HAPLN3: variants seen among roughly 807,000 people sequenced by gnomAD.
The protein encoded by HAPLN3 is extracellular link domain containing, 1.
A neutral mutation model predicts 28.1 loss-of-function variants in HAPLN3; 28 were observed. The ratio of observed to expected loss-of-function variants is 1.00; its 90% CI spans 0.74 to 1.37. HAPLN3 has a LOEUF of 1.37. Ranked by LOEUF, HAPLN3 falls within the 40% of genes most tolerant of loss-of-function variation. The pLI is 0.00. For missense variants in HAPLN3, 513 were observed against 504.6 expected, an observed-to-expected ratio of 1.02 and a Z score of -0.16; for synonymous variants, 211 against 213.1, an observed-to-expected ratio of 0.99 and a Z score of 0.09.
At position 88,879,173 on chromosome 15, in the gene HAPLN3, G is replaced by T. The variant is rs1897624990; in HGVS notation, c.590C>A (p.Ser197Tyr). The T allele has an allele frequency of 6.2e-7, 1 of 1,613,862 alleles. No homozygotes were observed. Among genetic ancestry groups the T allele is most frequent in the Non-Finnish European group, 8.5e-7 (1 of 1,180,010 alleles). Residue 197 changes from serine (S) to tyrosine (Y), a missense_variant, in exon 4 of 5, where the codon TCC becomes TAC. Ser to Tyr is a moderately radical substitution (Grantham distance 144, BLOSUM62 -2). Transcript: ENST00000359595. This position sits in a 1 kb window ranked among gnomAD's most constrained non-coding sequence, Gnocchi z 5.0. ...VCAEQAAVVA[S>Y]FEQLFRAWEE... ...CCAGGCCCGGAAGAGCTGCTCAAAG[G>T]AGGCCACCACCGCAGCCTGCTCTGC...
At position 88,888,962 on chromosome 15, in the gene HAPLN3, G is replaced by A. The variant is rs1050025075; in HGVS notation, c.-47-1617C>T. Among the ~76,000 whole-genome samples the A allele has an allele frequency of 6.6e-5, 10 of 152,206 alleles. No homozygotes were observed. The highest frequency in any genetic ancestry group is 2.1e-4 in the South Asian group (1 of 4,834). ...TCCATCGTCTGTCCTTCTCTGACAC[G>A]TATTGGTCCCTGTTGTCCCAGTTCC... On this transcript the variant is annotated intron_variant, in intron 1 of 4. Transcript: ENST00000359595. This position sits in a 1 kb window ranked among gnomAD's most constrained non-coding sequence, Gnocchi z 4.1.
intron 2 of HAPLN3, among the ~76,000 whole-genome samples, chr15:88,882,259 A>G (rs1224264290): frequency 6.6e-6 from 1 of 152,226 alleles, no homozygotes; most frequent in African/African-American, 2.4e-5. Context: ...TGACCCACAG[A>G]ATCATGAGCT....
In HAPLN3 at chr15:88,888,735, G is replaced by A. The variant is rs1232857790; in HGVS notation, c.-47-1390C>T. 2.0e-5 allele frequency among the ~76,000 whole-genome samples: 3 copies of A among 152,188 alleles called. No homozygotes were observed. The highest frequency in any genetic ancestry group is 7.2e-5 in the African/African-American group (3 of 41,450). On this transcript the variant is annotated intron_variant, in intron 1 of 4. Coordinates refer to ENST00000359595, the MANE Select transcript of HAPLN3 (RefSeq NM_178232.4). This position sits in a 1 kb window ranked among gnomAD's most constrained non-coding sequence, Gnocchi z 4.1. ...GGGCAGGCAGTCTTGATTGCTGTGT[G>A]TTGAGTACCACGATGGAGGTACAGA... is the stretch of plus-strand genomic sequence containing the variant.
chr15:88,885,088 A>G (rs1022972675), intron 2 of HAPLN3, among the ~76,000 whole-genome samples: 2 of 152,282 alleles, frequency 1.3e-5, no homozygotes, highest in Non-Finnish European at 2.9e-5. Flanking sequence ...ACTAATCAAA[A>G]GAGGGAAAAT....
At chr15:88,886,174 ACCC>A (rs1299398473) in intron 2 of HAPLN3, among the ~76,000 whole-genome samples, 2 of 150,906 alleles carry the variant, frequency 1.3e-5, no homozygotes, top group Non-Finnish European at 3.0e-5. Context: ...ACATGGAGAA[ACCC>A]CCATTTCTAC....
Position 88,877,801 on chromosome 15 carries a change from G to A in HAPLN3, c.*169C>T. 1.5e-6 allele frequency: 1 copy of A among 661,536 alleles called. No homozygotes were observed. Among genetic ancestry groups the A allele is most frequent in the Non-Finnish European group, 2.5e-6 (1 of 401,492 alleles). 41.0% of individuals were successfully genotyped at this position (661,536 alleles called of 1,614,324 possible). ...GGAGTGGGGCATCCAGGAGCAAAGGGAGGCATTGGGTTCTGTTTGCTTTAC... is the reference window on the plus strand; with the variant it reads ...GGAGTGGGGCATCCAGGAGCAAAGGAAGGCATTGGGTTCTGTTTGCTTTAC... On this transcript the variant is annotated 3_prime_UTR_variant, in exon 5 of 5. Transcript: ENST00000359595. The surrounding 1 kb of genome is among the most constrained non-coding windows in gnomAD (Gnocchi z 5.1).
In HAPLN3 at chr15:88,887,222, T is replaced by G; in HGVS notation, c.77A>C (p.Tyr26Ser). 1 of 1,613,858 alleles carries G rather than the reference T, an allele frequency of 6.2e-7. No homozygotes were observed. Among genetic ancestry groups the G allele is most frequent in the East Asian group, 2.2e-5 (1 of 44,848 alleles). Residue 26 changes from tyrosine (Y) to serine (S), a missense_variant, in exon 2 of 5, where the codon TAC (tyrosine) becomes TCC (serine). By Grantham distance (144) the Tyr-to-Ser change is moderately radical. Coordinates refer to ENST00000359595, the MANE Select transcript of HAPLN3 (RefSeq NM_178232.4). ...YGLPFYNGFYYSNSANDQNLG... is the reference protein window; with the variant it reads ...YGLPFYNGFYSSNSANDQNLG... ...GTTCTGGTCGTTGGCGCTGTTGGAGTAGTAGAAGCCGTTGTAGAAGGGCAG... is the reference window on the plus strand; with the variant it reads ...GTTCTGGTCGTTGGCGCTGTTGGAGGAGTAGAAGCCGTTGTAGAAGGGCAG...
intron 2 of HAPLN3, among the ~76,000 whole-genome samples, chr15:88,884,393 T>C (rs1011404174): frequency 2.0e-5 from 3 of 152,056 alleles, no homozygotes; most frequent in African/African-American, 7.2e-5. Flanking sequence ...TGAAACCCCA[T>C]CTCCACTAAA....
At chr15:88,893,953 G>T (rs34394020) in intron 1 of HAPLN3, among the ~76,000 whole-genome samples, 1 of 148,610 alleles carries the variant, frequency 6.7e-6, no homozygotes, top group Non-Finnish European at 1.5e-5. Context: ...AGTTGGGGTG[G>T]GGGGGGCGGT....
In HAPLN3 at chr15:88,887,313, G is replaced by GTGACCCGGGCCAGGC. The variant is rs752445070; in HGVS notation, c.-30_-16dup. The GTGACCCGGGCCAGGC allele has an allele frequency of 2.6e-5, 42 of 1,613,688 alleles. No homozygotes were observed. The East Asian group carries it at 8.9e-4, about 34-fold the overall frequency. ...AACAGGCCCATCTCCTCATGCCAGG[G>GTGACCCGGGCCAGGC]TGACCCGGGCCAGGCTGGGGCCCCA... On this transcript the variant is annotated 5_prime_UTR_variant, in exon 2 of 5. Transcript: ENST00000359595.
At chr15:88,887,497 A>G (rs1242773186) in intron 1 of HAPLN3, among the ~76,000 whole-genome samples, 152 bp from the exon 2 acceptor site, 1 of 152,326 alleles carries the variant, frequency 6.6e-6, no homozygotes, top group East Asian at 1.9e-4. Flanking sequence ...AGCTGAGAAG[A>G]CAGCAGTGAC....
rs150205606 is a variant in HAPLN3 at position 88,877,684 on chromosome 15, C to G, written c.*286G>C. ...GCCACCGCCCACTCTGGGCACCAACCTCCTTAAGGGAGGGAGACCAGCCTG... is the reference window on the plus strand; with the variant it reads ...GCCACCGCCCACTCTGGGCACCAACGTCCTTAAGGGAGGGAGACCAGCCTG... On this transcript the variant is annotated 3_prime_UTR_variant, in exon 5 of 5. Transcript: ENST00000359595. This position sits in a 1 kb window ranked among gnomAD's most constrained non-coding sequence, Gnocchi z 5.1. The G allele has an allele frequency of 5.5e-6, 2 of 363,530 alleles. No homozygotes were observed. The highest frequency in any genetic ancestry group is 9.9e-6 in the Non-Finnish European group (2 of 202,096). 22.5% of individuals were successfully genotyped at this position (363,530 alleles called of 1,614,324 possible).
Position 88,880,211 on chromosome 15 carries a change from CG to C in HAPLN3, c.494-943del. On this transcript the variant is annotated intron_variant, in intron 3 of 4. Transcript: ENST00000359595. The surrounding 1 kb of genome is among the most constrained non-coding windows in gnomAD (Gnocchi z 6.0). The stretch of plus-strand genomic sequence containing the variant: ...CCCAAATTCCTAGCCCTTGAAGCCC[CG>C]GGAATGGGGTGAGGGCTCCCTGTTT... 1.0e-6 allele frequency: 1 copy of C among 994,622 alleles called. No homozygotes were observed. Among genetic ancestry groups the C allele is most frequent in the Non-Finnish European group, 1.2e-6 (1 of 836,000 alleles). 61.6% of individuals were successfully genotyped at this position (994,622 alleles called of 1,614,324 possible).
rs761447623 is a variant in HAPLN3, at chr15:88,878,177, C to T, written c.876G>A (p.Thr292=). The T allele has an allele frequency of 3.7e-5, 59 of 1,614,050 alleles. No individual in the cohort carries two copies. The highest frequency in any genetic ancestry group is 4.0e-5 in the African/African-American group (3 of 74,942). ...CAAAGAGCTGTCCCACCTTGGCGAT[C>T]GTGGCATCATCTTCCTGGCAGGCCT... ...AREACQEDDA[T]IAKVGQLFAA... is the part of the protein sequence containing the mutation. The change falls in exon 5 of 5, where the codon ACG becomes ACA. Residue 292 remains threonine (T), a synonymous_variant. Transcript: ENST00000359595.
rs902762026 is a variant in HAPLN3 at position 88,879,330 on chromosome 15, C to T, written c.494-61G>A. On this transcript the variant is annotated intron_variant, in intron 3 of 4. Transcript: ENST00000359595. This position sits in a 1 kb window ranked among gnomAD's most constrained non-coding sequence, Gnocchi z 5.0. ...CAGGGGCCCAGCTGGCTGGACACCCCGCTCTCCTCCCACCTTCACTGGGAC... is the reference window on the plus strand; with the variant it reads ...CAGGGGCCCAGCTGGCTGGACACCCTGCTCTCCTCCCACCTTCACTGGGAC... The T allele has an allele frequency of 1.2e-4, 186 of 1,597,094 alleles. 1 individual carries two copies. The highest frequency in any genetic ancestry group is 1.1e-3 in the South Asian group (96 of 90,494).
At position 88,879,247 on chromosome 15, in the gene HAPLN3, G is replaced by A. The variant is rs1897628744; in HGVS notation, c.516C>T (p.Ser172=). ...AGTTGAACTGGTAGCGCCCGTTGGG[G>A]GACTGGTAAGGAAAGACCACACCTG... ...ELRGVVFPYQ[S]PNGRYQFNFH... Residue 172 remains serine (S), a synonymous_variant, in exon 4 of 5, where the codon TCC becomes TCT. Transcript: ENST00000359595. The surrounding 1 kb of genome is among the most constrained non-coding windows in gnomAD (Gnocchi z 5.0). 1 of 1,607,644 alleles carries A rather than the reference G, an allele frequency of 6.2e-7. No homozygotes were observed.
At chr15:88,883,351 C>T (rs944749903) in intron 2 of HAPLN3, among the ~76,000 whole-genome samples, 7 of 152,348 alleles carry the variant, frequency 4.6e-5, no homozygotes, top group Non-Finnish European at 1.0e-4. Flanking sequence ...TCAGGCAATT[C>T]GGGCTTGCCC....
rs961894334 is a variant in HAPLN3, at chr15:88,888,350, C to G, written c.-47-1005G>C. The stretch of plus-strand genomic sequence containing the variant: ...TAGTGATCAGCCCGCCTCGGCCTCC[C>G]AAAGTGCTGAGATTACAGGCATAAG... On this transcript the variant is annotated intron_variant, in intron 1 of 4. Coordinates refer to ENST00000359595, the MANE Select transcript of HAPLN3 (RefSeq NM_178232.4). This position sits in a 1 kb window ranked among gnomAD's most constrained non-coding sequence, Gnocchi z 4.1. Among the ~76,000 whole-genome samples, 1 of 152,078 alleles carries G rather than the reference C, an allele frequency of 6.6e-6. No individual in the cohort carries two copies. The highest frequency in any genetic ancestry group is 1.5e-5 in the Non-Finnish European group (1 of 68,032).
chr15:88,891,352 A>G (rs955549715), intron 1 of HAPLN3, among the ~76,000 whole-genome samples: 29 of 152,084 alleles, frequency 1.9e-4, no homozygotes, highest in African/African-American at 6.5e-4. Flanking sequence ...GCTGGAGTGC[A>G]GTGGTAAGAT....
Sources: gnomAD v4.1 joint callset for allele counts (sites outside exome capture counted in the v4.1 genomes callset) on GRCh38, gnomAD v4.1.1 for gene constraint, Gnocchi (gnomAD v3.1) non-coding constraint, MANE v1.5 for transcripts, NCBI Gene and HGNC (gene_info 2026-07-23, HGNC 2026-07-21) for gene names.